The following AOAH variants were observed in gnomAD, a reference collection of about 807,000 sequenced individuals.
The protein encoded by AOAH is acyloxyacyl hydrolase (neutrophil).
Under a neutral mutation model 92.2 loss-of-function variants are expected in AOAH, and 64 were observed. That is an observed-to-expected ratio of 0.69 (90% confidence interval 0.57 to 0.86). AOAH has a LOEUF of 0.86. Among genes scored for constraint, AOAH ranks in the 40% least tolerant of loss-of-function variants. AOAH has a pLI of 0.00. For missense variants in AOAH, 656 were observed against 694.6 expected, an observed-to-expected ratio of 0.94 and a Z score of 0.62; for synonymous variants, 263 against 254.5, an observed-to-expected ratio of 1.03 and a Z score of -0.32.
intron 1 of AOAH, among the ~76,000 whole-genome samples, chr7:36,714,816 T>C (rs932713525): frequency 6.6e-6 from 1 of 152,206 alleles, no homozygotes; most frequent in Non-Finnish European, 1.5e-5. Context: ...TAGGTATTGA[T>C]GGGACGTATC....
chr7:36,522,538 T>C (rs926825758), intron 19 of AOAH, among the ~76,000 whole-genome samples: 1 of 152,204 alleles, frequency 6.6e-6, no homozygotes, highest in Admixed American at 6.5e-5. Context: ...AGCACTTGCC[T>C]TTAAAAATCA....
intron 2 of AOAH, among the ~76,000 whole-genome samples, chr7:36,683,120 A>C (rs1796749272): frequency 6.6e-6 from 1 of 152,226 alleles, no homozygotes; most frequent in Admixed American, 6.5e-5. Flanking sequence ...AGGACAAGGT[A>C]AATTAGATTA....
intron 13 of AOAH, among the ~76,000 whole-genome samples, chr7:36,576,111 T>C (rs1177362736): frequency 6.6e-6 from 1 of 152,154 alleles, no homozygotes; most frequent in East Asian, 1.9e-4. Context: ...CTTGTGGCAA[T>C]AGACCGCCTC....
intron 5 of AOAH, among the ~76,000 whole-genome samples, chr7:36,637,023 T>C (rs1444258224): frequency 6.6e-6 from 1 of 152,236 alleles, no homozygotes; most frequent in African/African-American, 2.4e-5. Flanking sequence ...CCAGTATCTT[T>C]GGCATTGAGG....
intron 13 of AOAH, among the ~76,000 whole-genome samples, chr7:36,573,482 C>T (rs1788276750): frequency 6.6e-6 from 1 of 152,186 alleles, no homozygotes; most frequent in South Asian, 2.1e-4. Context: ...TTTTGGGAGG[C>T]CGAGGCTGGT....
At chr7:36,625,353 C>T (rs1792578708) in intron 6 of AOAH, among the ~76,000 whole-genome samples, 1 of 152,200 alleles carries the variant, frequency 6.6e-6, no homozygotes, top group African/African-American at 2.4e-5. Context: ...CTCGGCAATT[C>T]TCAGAAGTTT....
intron 11 of AOAH, chr7:36,594,683 A>C: frequency 5.8e-6 from 3 of 520,426 alleles, no homozygotes; most frequent in Non-Finnish European, 1.0e-5. Context: ...TTGGCATCTC[A>C]AACACTTGGG....
At chr7:36,656,824 G>A (rs1199916032) in intron 4 of AOAH, among the ~76,000 whole-genome samples, 2 of 142,844 alleles carry the variant, frequency 1.4e-5, no homozygotes, top group African/African-American at 5.3e-5. Context: ...CTAGATAAGG[G>A]CTTCGAAATG....
chr7:36,696,153 A>C (rs1224521515), intron 1 of AOAH, among the ~76,000 whole-genome samples: 1 of 152,188 alleles, frequency 6.6e-6, no homozygotes, highest in Non-Finnish European at 1.5e-5. Flanking sequence ...GTCTGTCCCC[A>C]CACCAATACC....
rs1207416113 is a variant in AOAH at position 36,724,131 on chromosome 7, T to A, written c.18A>T (p.Lys6Asn). 1 of 1,613,234 alleles carries A rather than the reference T, an allele frequency of 6.2e-7. No individual in the cohort carries two copies. The highest frequency in any genetic ancestry group is 8.5e-7 in the Non-Finnish European group (1 of 1,179,554). Residue 6 changes from lysine (K) to asparagine (N), a missense_variant, in exon 1 of 21, where the codon AAA becomes AAT. Coordinates refer to ENST00000617537, the MANE Select transcript of AOAH (RefSeq NM_001637.4). MQSPWKILTVAPLFLL... is the reference protein window; with the variant it reads MQSPWNILTVAPLFLL... ...AGAATAGAGGCGCCACCGTAAGGAT[T>A]TTCCAGGGGGACTGCATCTCCGAGC...
At chr7:36,668,750 G>T (rs1312411945) in intron 3 of AOAH, among the ~76,000 whole-genome samples, 1 of 152,232 alleles carries the variant, frequency 6.6e-6, no homozygotes, top group South Asian at 2.1e-4. Flanking sequence ...GCCTCCCAAA[G>T]TGTTGGGATT....
At chr7:36,715,130 T>C (rs966019249) in intron 1 of AOAH, among the ~76,000 whole-genome samples, 5 of 152,162 alleles carry the variant, frequency 3.3e-5, no homozygotes, top group Non-Finnish European at 5.9e-5. Context: ...TTCAGCAAAG[T>C]CTCAGGATAC....
At chr7:36,523,629 G>GGTTTTTTTTT (rs759621905) in intron 19 of AOAH, among the ~76,000 whole-genome samples, 12 of 100,136 alleles carry the variant, frequency 1.2e-4, no homozygotes, top group African/African-American at 4.9e-4. Flanking sequence ...TGTTTTGCCT[G>GGTTTTTTTTT]TTTTTTTTTT....
At chr7:36,686,198 T>C (rs1446643352) in intron 2 of AOAH, among the ~76,000 whole-genome samples, 2 of 152,234 alleles carry the variant, frequency 1.3e-5, no homozygotes, top group Non-Finnish European at 2.9e-5. Context: ...AGGTATTTTA[T>C]TGAGATCTAG....
intron 4 of AOAH, among the ~76,000 whole-genome samples, chr7:36,640,903 G>C (rs904490153): frequency 2.0e-5 from 3 of 152,190 alleles, no homozygotes; most frequent in African/African-American, 7.2e-5. Flanking sequence ...TCATGGCCTT[G>C]AGTAGGTGGG....
chr7:36,633,183 TGCGG>T (rs1793258580), intron 5 of AOAH, among the ~76,000 whole-genome samples: 1 of 152,214 alleles, frequency 6.6e-6, no homozygotes, highest in Non-Finnish European at 1.5e-5. Context: ...TGTGACTCAG[TGCGG>T]GCCACAGCCT....
chr7:36,656,808 C>T (rs1039774295), intron 4 of AOAH, among the ~76,000 whole-genome samples: 6 of 141,300 alleles, frequency 4.2e-5, no homozygotes, highest in East Asian at 2.0e-4. Context: ...GACTTCACCA[C>T]GGCACCTAGA....
intron 19 of AOAH, among the ~76,000 whole-genome samples, chr7:36,523,221 G>T (rs1784200020): frequency 6.6e-6 from 1 of 152,186 alleles, no homozygotes; most frequent in African/African-American, 2.4e-5. Context: ...CAGAAAGACT[G>T]CCCCTGAGAC....
At chr7:36,557,263 T>G (rs1018950624) in intron 13 of AOAH, among the ~76,000 whole-genome samples, 1 of 152,218 alleles carries the variant, frequency 6.6e-6, no homozygotes, top group African/African-American at 2.4e-5. Flanking sequence ...TGGCTGGATA[T>G]GAAATTCTGG....
Sources: gnomAD v4.1 joint callset for allele counts (sites outside exome capture counted in the v4.1 genomes callset) on GRCh38, gnomAD v4.1.1 for gene constraint, MANE v1.5 for transcripts, NCBI Gene and HGNC (gene_info 2026-07-23, HGNC 2026-07-21) for gene names.